Variants in ECM2 observed in about 807,000 individuals in gnomAD.
ECM2 encodes the protein extracellular matrix protein 2, female organ and adipocyte specific.
Under a neutral mutation model 67.5 loss-of-function variants are expected in ECM2, and 57 were observed. The ratio of observed to expected loss-of-function variants is 0.84; its 90% CI spans 0.68 to 1.05. The LOEUF (loss-of-function observed/expected upper bound fraction) is 1.05. Ranked by LOEUF, ECM2 falls within the 50% of genes least tolerant of loss-of-function variation. The probability of loss-of-function intolerance (pLI) is 0.00; values close to 1 mark genes in which losing one functional copy is unlikely to be tolerated. For missense variants in ECM2, 741 were observed against 822.8 expected (o/e 0.90, Z 1.22); for synonymous variants, 258 against 294.5 (o/e 0.88, Z 1.27).
intron 2 of ECM2, among the ~76,000 whole-genome samples, chr9:92,518,624 C>T (rs10820982): frequency 0.26 from 39,687 of 152,046 alleles, 7,623 homozygotes; most frequent in African/African-American, 0.54. Flanking sequence ...TGTCTGGGCA[C>T]GGTGGCTCAT....
the ECM2 span, among the ~76,000 whole-genome samples, chr9:92,545,403 G>A: frequency 1.2e-3 from 186 of 152,350 alleles, no homozygotes; most frequent in African/African-American, 4.3e-3. Context: ...GCCAGCAGCT[G>A]CGGAGGGTGC....
At chr9:92,544,709 T>C in the ECM2 span, among the ~76,000 whole-genome samples, 1 of 127,826 alleles carries the variant, frequency 7.8e-6, no homozygotes, top group Non-Finnish European at 1.6e-5. Context: ...GTTATCACTA[T>C]AAATTTTTTT....
chr9:92,537,015 G>A (rs559185717), upstream of ECM2, among the ~76,000 whole-genome samples: 18 of 151,580 alleles, frequency 1.2e-4, no homozygotes, highest in Non-Finnish European at 2.4e-4. Context: ...GCTTAAAGGC[G>A]CCTGCCACCA....
the ECM2 span, among the ~76,000 whole-genome samples, chr9:92,544,418 G>A: frequency 2.0e-5 from 3 of 152,176 alleles, no homozygotes; most frequent in African/African-American, 7.2e-5. Context: ...AGAGGTTGCA[G>A]CGAGCCACGA....
upstream of ECM2, chr9:92,536,074 T>G (rs747998288): frequency 2.0e-6 from 1 of 491,518 alleles, no homozygotes. Flanking sequence ...CTTAGTAAAA[T>G]CTAAAATAAC....
chr9:92,551,051 T>C, the ECM2 span, among the ~76,000 whole-genome samples: 44 of 152,172 alleles, frequency 2.9e-4, no homozygotes, highest in South Asian at 8.3e-4. Flanking sequence ...ACAAAGTTAT[T>C]TGGGCAGAGA....
At chr9:92,548,511 G>T in the ECM2 span, among the ~76,000 whole-genome samples, 1 of 152,054 alleles carries the variant, frequency 6.6e-6, no homozygotes, top group Non-Finnish European at 1.5e-5. Flanking sequence ...CAACACAAAT[G>T]TAGTACATCA....
At chr9:92,497,547 C>G (rs1175741659) in intron 9 of ECM2, among the ~76,000 whole-genome samples, 1 of 151,408 alleles carries the variant, frequency 6.6e-6, no homozygotes, top group Non-Finnish European at 1.5e-5. Context: ...TTGCTTGAAC[C>G]TGGGAGGTCG....
intron 9 of ECM2, among the ~76,000 whole-genome samples, chr9:92,497,168 T>C (rs1034139834): frequency 6.6e-6 from 1 of 152,194 alleles, no homozygotes; most frequent in African/African-American, 2.4e-5. Flanking sequence ...TATACAAACT[T>C]ATCTTTTGTG....
intron 2 of ECM2, 138 bp downstream of exon 2, chr9:92,522,437 A>G: frequency 1.7e-5 from 17 of 1,002,292 alleles, no homozygotes; most frequent in Non-Finnish European, 2.2e-5. Flanking sequence ...ACCAAAAAGT[A>G]ATATAATAAC....
chr9:92,498,480 A>T (rs1304014694), intron 9 of ECM2, among the ~76,000 whole-genome samples: 1 of 152,068 alleles, frequency 6.6e-6, no homozygotes, highest in Non-Finnish European at 1.5e-5. Flanking sequence ...AAAGACAATC[A>T]TAGAAGTAAG....
In ECM2 at chr9:92,515,209, G is replaced by T; in HGVS notation, c.482-6C>A. ...ACTGAGTAGAGAATAGGAGACTAAT[G>T]ACCACGCAAGGATGAGGTAGCAGAG... On this transcript the variant is annotated splice_polypyrimidine_tract_variant and splice_region_variant and intron_variant, in intron 3 of 9. Coordinates refer to ENST00000344604, the MANE Select transcript of ECM2 (RefSeq NM_001393.4). The T allele has an allele frequency of 6.5e-7, 1 of 1,546,300 alleles. No individual in the cohort carries two copies. Among genetic ancestry groups the T allele is most frequent in the South Asian group, 1.3e-5 (1 of 78,004 alleles).
In ECM2 at chr9:92,514,888, C is replaced by A. The variant is rs778924845; in HGVS notation, c.797G>T (p.Arg266Leu). ...EERRLAHQQQ[R>L]QGREEEEDEE... Reference sequence around the variant, plus strand: ...ATCCTCCTCCTCCTCCCTTCCTTGGCGTTGTTGCTGGTGTGCCAGCCTCCT... The same window carrying A: ...ATCCTCCTCCTCCTCCCTTCCTTGGAGTTGTTGCTGGTGTGCCAGCCTCCT... The change falls in exon 4 of 10, where the codon CGC (arginine) becomes CTC (leucine). Residue 266 changes from arginine to leucine, a missense_variant. Arg to Leu is a moderately radical substitution (Grantham distance 102, BLOSUM62 -2). Transcript: ENST00000344604. 1.2e-6 allele frequency: 2 copies of A among 1,613,372 alleles called. No individual in the cohort carries two copies. The highest frequency in any genetic ancestry group is 1.7e-5 in the Admixed American group (1 of 59,978).
the ECM2 span, among the ~76,000 whole-genome samples, chr9:92,552,137 A>G: frequency 6.9e-6 from 1 of 145,872 alleles, no homozygotes; most frequent in Non-Finnish European, 1.5e-5. Context: ...TCTATCATAT[A>G]TATGTGATAT....
chr9:92,514,921 C>T lies in ECM2; in HGVS notation c.764G>A (p.Gly255Glu), dbSNP rs1252135641. 2 of 1,614,010 alleles carry T rather than the reference C, an allele frequency of 1.2e-6. No homozygotes were observed. The highest frequency in any genetic ancestry group is 1.7e-6 in the Non-Finnish European group (2 of 1,179,916). ...SRGGDRKQRP[G>E]EERRLAHQQQ... The stretch of plus-strand genomic sequence containing the variant: ...CTGGTGTGCCAGCCTCCTCTCCTCT[C>T]CAGGCCTCTGCTTTCTGTCTCCTCC... The change falls in exon 4 of 10, where the codon GGA becomes GAA. Residue 255 changes from glycine to glutamate, a missense_variant. Coordinates refer to ENST00000344604, the MANE Select transcript of ECM2 (RefSeq NM_001393.4).
Position 92,501,007 on chromosome 9 carries a change from G to A in ECM2, c.1651C>T (p.Pro551Ser), listed in dbSNP as rs1481578407. 1.2e-6 allele frequency: 2 copies of A among 1,614,032 alleles called. No homozygotes were observed. Among genetic ancestry groups the A allele is most frequent in the African/African-American group, 2.7e-5 (2 of 74,906 alleles). The stretch of plus-strand genomic sequence containing the variant: ...AGCAAGGACTTGGGTAGATAGGACG[G>A]GACGTGATAGAGCTTGTTGTAGGAG... The part of the protein sequence containing the change: ...DLSYNKLYHV[P>S]SYLPKSLLHL... Residue 551 changes from proline (P) to serine (S), a missense_variant, in exon 9 of 10, where the codon CCG becomes TCG. Transcript: ENST00000344604.
chr9:92,552,607 G>A, the ECM2 span, among the ~76,000 whole-genome samples: 3 of 152,128 alleles, frequency 2.0e-5, no homozygotes, highest in Non-Finnish European at 4.4e-5. Context: ...GATGTTGAGC[G>A]TTTTTTCATA....
chr9:92,555,584 T>TA, the ECM2 span, among the ~76,000 whole-genome samples: 1 of 152,172 alleles, frequency 6.6e-6, no homozygotes, highest in African/African-American at 2.4e-5. Context: ...CTGTTCAGGT[T>TA]ATCTAATTCT....
chr9:92,498,381 A>G (rs953357113), intron 9 of ECM2, among the ~76,000 whole-genome samples: 6 of 152,156 alleles, frequency 3.9e-5, no homozygotes, highest in Admixed American at 1.3e-4. Context: ...GCACACCAAC[A>G]TGGCACATGT....
Sources: allele counts gnomAD v4.1 joint callset (sites outside exome capture counted in the v4.1 genomes callset), GRCh38; gene constraint gnomAD v4.1.1; transcripts MANE v1.5; gene names NCBI Gene and HGNC (gene_info 2026-07-23, HGNC 2026-07-21).